Variants in XKR9 observed in about 807,000 individuals in gnomAD.
XKR9 encodes XK related 9.
A neutral mutation model predicts 32.0 loss-of-function variants in XKR9; 32 were observed. That is an observed-to-expected ratio of 1.00 (90% CI 0.76 to 1.34). The LOEUF is 1.34. XKR9 is among the 40% of genes most tolerant of loss of function. XKR9 has a pLI of 0.00. For synonymous variants in XKR9, 168 were observed against 143.4 expected (o/e 1.17, Z -1.22); for missense variants, 546 against 429.7 (o/e 1.27, Z -2.39).
At position 70,754,383 on chromosome 8, in the gene XKR9, A is replaced by G; in HGVS notation, n.353-34956A>G. On this transcript the variant is annotated intron_variant and non_coding_transcript_variant, in intron 2 of 3. Transcript: ENST00000520273. ...CAATGCCATCCCCATCAAGCTACCA[A>G]TGACTTTCTTCACAGAATTGGAAAA... Among the ~76,000 whole-genome samples the G allele has an allele frequency of 1.5e-5, 2 of 129,880 alleles. 1 individual carries two copies. The highest frequency in any genetic ancestry group is 5.0e-5 in the African/African-American group (2 of 39,736). 85.2% of individuals were successfully genotyped at this position (129,880 alleles called of 152,430 possible).
chr8:70,785,354 T>G (rs1180007261), intron 2 of XKR9, among the ~76,000 whole-genome samples: 1 of 152,008 alleles, frequency 6.6e-6, no homozygotes, highest in Admixed American at 6.6e-5. Flanking sequence ...AGTTGTAATG[T>G]CTCCTCTTTC....
the XKR9 span, among the ~76,000 whole-genome samples, chr8:70,842,562 A>ACACC: frequency 6.6e-6 from 1 of 151,974 alleles, no homozygotes; most frequent in Non-Finnish European, 1.5e-5. Flanking sequence ...ACACACACAC[A>ACACC]CACACACACA....
chr8:70,716,310 TG>T (rs1249988437), intron 4 of XKR9, among the ~76,000 whole-genome samples: 6 of 152,130 alleles, frequency 3.9e-5, no homozygotes, highest in African/African-American at 1.4e-4. Flanking sequence ...ATAAAAACAC[TG>T]CACTTATGTA....
At position 70,697,397 on chromosome 8, in the gene XKR9, T is replaced by C. The variant is rs1224502621; in HGVS notation, c.273-9536T>C. ...TATTGAGAGTTTTTAGCATGAAGCG[T>C]TGTTGAATTTTGTCAAAGGCCTTTT... On this transcript the variant is annotated intron_variant, in intron 3 of 4. Transcript: ENST00000408926. 4.6e-5 allele frequency among the ~76,000 whole-genome samples: 7 copies of C among 150,586 alleles called. No homozygotes were observed. In the East Asian group the frequency reaches 1.4e-3, roughly 29 times the overall value.
the XKR9 span, among the ~76,000 whole-genome samples, chr8:70,932,956 C>A: frequency 1.3e-5 from 2 of 152,084 alleles, no homozygotes; most frequent in East Asian, 3.9e-4. Flanking sequence ...TTCACTTGAT[C>A]ATATTTGTGT....
the XKR9 span, among the ~76,000 whole-genome samples, chr8:70,940,305 G>A: frequency 2.0e-5 from 3 of 151,984 alleles, no homozygotes; most frequent in Non-Finnish European, 4.4e-5. Flanking sequence ...TACTACTGAT[G>A]TCTTAAATAG....
At chr8:70,753,306 A>G (rs1586883779) in intron 2 of XKR9, among the ~76,000 whole-genome samples, 1 of 151,870 alleles carries the variant, frequency 6.6e-6, no homozygotes, top group African/African-American at 2.4e-5. Flanking sequence ...CCAGGACCAG[A>G]TGGATTCACA....
Position 70,669,443 on chromosome 8 carries a change from GC to G in XKR9, c.-455del. The G allele has an allele frequency of 3.0e-6, 1 of 337,112 alleles. No homozygotes were observed. The highest frequency in any genetic ancestry group is 5.5e-6 in the Non-Finnish European group (1 of 180,798). The allele number at this position is 337,112 out of a possible 1,614,324, so 20.9% of individuals were successfully genotyped here. On this transcript the variant is annotated 5_prime_UTR_variant, in exon 1 of 5. Transcript: ENST00000408926. ...GCTGGAATCTGCCTCTGTCACGGGG[GC>G]TGGTGCCTCACGGGTTTGTGTCCTA...
the XKR9 span, among the ~76,000 whole-genome samples, chr8:70,979,216 G>A: frequency 7.2e-5 from 11 of 152,116 alleles, no homozygotes; most frequent in African/African-American, 2.7e-4. Flanking sequence ...TGTTATTACC[G>A]ACTTTCTGAA....
At chr8:71,057,344 T>G in the XKR9 span, among the ~76,000 whole-genome samples, 2 of 152,198 alleles carry the variant, frequency 1.3e-5, no homozygotes, top group Non-Finnish European at 2.9e-5. Flanking sequence ...TCCACTAGAC[T>G]CCTTCTGAGT....
chr8:71,002,566 TTATACGG>T, the XKR9 span, among the ~76,000 whole-genome samples: 1 of 152,190 alleles, frequency 6.6e-6, no homozygotes, highest in South Asian at 2.1e-4. Context: ...AACTTCTGTT[TTATACGG>T]TCTCCCTTTT....
At chr8:71,011,603 G>A in the XKR9 span, among the ~76,000 whole-genome samples, 2 of 152,150 alleles carry the variant, frequency 1.3e-5, no homozygotes, top group African/African-American at 2.4e-5. Flanking sequence ...TACTGAACCT[G>A]GTATTCAGCT....
chr8:70,888,824 T>TA, the XKR9 span, among the ~76,000 whole-genome samples: 1 of 152,034 alleles, frequency 6.6e-6, no homozygotes, highest in African/African-American at 2.4e-5. Context: ...TTTCTGTTTT[T>TA]ATACCAATAC....
intron 4 of XKR9, among the ~76,000 whole-genome samples, chr8:70,731,966 A>G (rs1214431374): frequency 6.6e-6 from 1 of 152,230 alleles, no homozygotes; most frequent in Admixed American, 6.5e-5. Flanking sequence ...TCTTAGTCTG[A>G]GAAATTCTCC....
the XKR9 span, among the ~76,000 whole-genome samples, chr8:71,031,012 T>A: frequency 6.6e-6 from 1 of 152,184 alleles, no homozygotes; most frequent in Non-Finnish European, 1.5e-5. Context: ...AAATAAATTC[T>A]CCTCCTCCTT....
At chr8:70,752,359 TG>T (rs1355433690) in intron 2 of XKR9, among the ~76,000 whole-genome samples, 1 of 152,220 alleles carries the variant, frequency 6.6e-6, no homozygotes, top group Non-Finnish European at 1.5e-5. Context: ...TTTTAGAGGC[TG>T]GGTGGTTCAA....
chr8:70,751,547 G>T (rs1178715863), intron 2 of XKR9, among the ~76,000 whole-genome samples: 2 of 152,118 alleles, frequency 1.3e-5, no homozygotes, highest in Non-Finnish European at 2.9e-5. Flanking sequence ...TTGAATCAGT[G>T]GACTAAGTAA....
At chr8:70,966,318 G>A in the XKR9 span, among the ~76,000 whole-genome samples, 3 of 151,860 alleles carry the variant, frequency 2.0e-5, no homozygotes, top group South Asian at 2.1e-4. Context: ...GCGCAATTTC[G>A]GCTCACTACA....
At chr8:70,853,074 T>C in the XKR9 span, among the ~76,000 whole-genome samples, 1 of 152,124 alleles carries the variant, frequency 6.6e-6, no homozygotes, top group East Asian at 1.9e-4. Context: ...TAAAAAAGAA[T>C]GTCATTCTAT....
Sources: gnomAD v4.1 joint callset for allele counts (sites outside exome capture counted in the v4.1 genomes callset) on GRCh38, gnomAD v4.1.1 for gene constraint, MANE v1.5 for transcripts, NCBI Gene and HGNC (gene_info 2026-07-23, HGNC 2026-07-21) for gene names.